The following ARHGAP31 variants were observed in gnomAD, a reference collection of about 807,000 sequenced individuals.
The protein encoded by ARHGAP31 is Rho GTPase activating protein 31, also known as rho GTPase-activating protein 31.
ARHGAP31 carries 34 observed loss-of-function variants against 113.9 expected under a neutral mutation model. That is an observed-to-expected ratio of 0.30 (90% CI 0.23 to 0.40). The LOEUF (loss-of-function observed/expected upper bound fraction) is 0.40. Ranked by LOEUF, ARHGAP31 falls within the 10% of genes least tolerant of loss-of-function variation. The pLI is 1.00. For missense variants in ARHGAP31, 1,548 were observed against 1,767.1 expected, an observed-to-expected ratio of 0.88 and a Z score of 2.22; for synonymous variants, 650 against 684.8, an observed-to-expected ratio of 0.95 and a Z score of 0.79.
intron 8 of ARHGAP31, among the ~76,000 whole-genome samples, chr3:119,397,066 A>C (rs551784131): frequency 6.6e-6 from 1 of 152,352 alleles, no homozygotes; most frequent in South Asian, 2.1e-4. Context: ...AAGGACACAA[A>C]GGCTGCCAGA....
At chr3:119,299,276 T>C (rs534905782) in intron 1 of ARHGAP31, among the ~76,000 whole-genome samples, 6 of 152,344 alleles carry the variant, frequency 3.9e-5, no homozygotes, top group Non-Finnish European at 8.8e-5. Flanking sequence ...ACAGACCATT[T>C]TCCCCTGGAT....
intron 1 of ARHGAP31, among the ~76,000 whole-genome samples, chr3:119,337,413 T>G (rs915879316): frequency 3.9e-5 from 6 of 152,028 alleles, no homozygotes; most frequent in Non-Finnish European, 2.9e-5. Context: ...TGGTGAGTGT[T>G]ACAGCTCATA....
intron 4 of ARHGAP31, among the ~76,000 whole-genome samples, chr3:119,381,993 AAAAAAAAAAAAAAAAGCCTTCAGGCTCT>A (rs2080404706): frequency 6.6e-6 from 1 of 151,012 alleles, no homozygotes; most frequent in Non-Finnish European, 1.5e-5. Context: ...CTCAAAAAAA[AAAAAAAAAAAAAAAAGCCTTCAGGCTCT>A]GAGGTGCTGT....
At chr3:119,342,886 T>C (rs1577003675) in intron 1 of ARHGAP31, among the ~76,000 whole-genome samples, 2 of 151,872 alleles carry the variant, frequency 1.3e-5, no homozygotes, top group South Asian at 4.2e-4. Flanking sequence ...GATGTGGAGG[T>C]TGCAGTGAGC....
At chr3:119,383,279 C>T in intron 6 of ARHGAP31, 53 bp downstream of exon 6, 1 of 1,608,334 alleles carries the variant, frequency 6.2e-7, no homozygotes, top group Non-Finnish European at 8.5e-7. Context: ...TTTCTTGCAA[C>T]TAGTGGTGGG....
At chr3:119,348,831 T>C (rs547420810) in intron 1 of ARHGAP31, among the ~76,000 whole-genome samples, 5 of 152,140 alleles carry the variant, frequency 3.3e-5, no homozygotes, top group African/African-American at 7.2e-5. Flanking sequence ...CCCACAAATA[T>C]GGGTGTCTGA....
intron 1 of ARHGAP31, among the ~76,000 whole-genome samples, chr3:119,307,959 A>AAAAAAAAAAAAAAC (rs2079645524): frequency 6.7e-6 from 1 of 150,356 alleles, no homozygotes; most frequent in Non-Finnish European, 1.5e-5. Flanking sequence ...AAAAAAAAAA[A>AAAAAAAAAAAAAAC]AGCTCAATCT....
At chr3:119,332,924 G>A (rs761586805) in intron 1 of ARHGAP31, among the ~76,000 whole-genome samples, 6 of 152,112 alleles carry the variant, frequency 3.9e-5, no homozygotes, top group Non-Finnish European at 7.3e-5. Flanking sequence ...AAGTATAGCA[G>A]ATGTTATTTA....
chr3:119,333,701 A>C (rs951279823), intron 1 of ARHGAP31, among the ~76,000 whole-genome samples: 1 of 152,158 alleles, frequency 6.6e-6, no homozygotes, highest in Non-Finnish European at 1.5e-5. Flanking sequence ...AAAAATTCAG[A>C]GTCAGGAAGA....
At chr3:119,413,778 T>C in intron 11 of ARHGAP31, 78 bp from the exon 12 acceptor site, 1 of 1,602,852 alleles carries the variant, frequency 6.2e-7, no homozygotes, top group Non-Finnish European at 8.5e-7. Flanking sequence ...TGTCAGTCCC[T>C]TCCCTCTCAC....
chr3:119,301,045 G>A (rs905814412), intron 1 of ARHGAP31, among the ~76,000 whole-genome samples: 4 of 152,154 alleles, frequency 2.6e-5, no homozygotes, highest in African/African-American at 4.8e-5. Context: ...GGCTTTAAAC[G>A]TGGAGCAAAC....
intron 1 of ARHGAP31, chr3:119,341,900 T>C (rs772145571): frequency 6.6e-6 from 1 of 152,094 alleles, no homozygotes; most frequent in African/African-American, 2.4e-5. Context: ...ATCTTCTCTG[T>C]ATGGTTCCAA....
In ARHGAP31 at chr3:119,418,407, C is replaced by T. The variant is rs1039405301; in HGVS notation, c.*2143C>T. On this transcript the variant is annotated 3_prime_UTR_variant, in exon 12 of 12. Coordinates refer to ENST00000264245, the MANE Select transcript of ARHGAP31 (RefSeq NM_020754.4). ...CTGCCTTATCAGAAAATGTGTCAGA[C>T]AGGTTTTATGTCAGCCTCAGTGCTC... 1 of 152,190 alleles carries T rather than the reference C, an allele frequency of 6.6e-6. No homozygotes were observed. Among genetic ancestry groups the T allele is most frequent in the Non-Finnish European group, 1.5e-5 (1 of 68,048 alleles). The allele number at this position is 152,190 out of a possible 1,614,324, so 9.4% of individuals were successfully genotyped here.
At chr3:119,399,672 T>G (rs1368222500) in intron 9 of ARHGAP31, among the ~76,000 whole-genome samples, 1 of 152,274 alleles carries the variant, frequency 6.6e-6, no homozygotes, top group Admixed American at 6.5e-5. Flanking sequence ...CTTGGCTGTT[T>G]CCATATGCTT....
intron 1 of ARHGAP31, among the ~76,000 whole-genome samples, chr3:119,303,210 C>G (rs1344729764): frequency 6.6e-6 from 1 of 152,226 alleles, no homozygotes; most frequent in East Asian, 1.9e-4. Flanking sequence ...TTCATTGACC[C>G]TACTTCCTTC....
chr3:119,301,639 GGAC>G (rs1181377467), intron 1 of ARHGAP31, among the ~76,000 whole-genome samples: 1 of 128,840 alleles, frequency 7.8e-6, no homozygotes, highest in Non-Finnish European at 1.6e-5. Flanking sequence ...CACCTGATGG[GGAC>G]TGTTTTTTTT....
At chr3:119,394,227 G>C (rs955227005) in intron 8 of ARHGAP31, among the ~76,000 whole-genome samples, 3 of 152,170 alleles carry the variant, frequency 2.0e-5, no homozygotes, top group African/African-American at 7.2e-5. Context: ...TGATCCCTTG[G>C]TTAAAGTGCT....
At chr3:119,376,497 C>T (rs2080350095) in intron 3 of ARHGAP31, among the ~76,000 whole-genome samples, 1 of 152,194 alleles carries the variant, frequency 6.6e-6, no homozygotes, top group Non-Finnish European at 1.5e-5. Context: ...CTGGCCTCCA[C>T]ATGTCCCCTA....
chr3:119,378,278 C>T (rs113316404), intron 3 of ARHGAP31, among the ~76,000 whole-genome samples: 4,112 of 152,078 alleles, frequency 0.027, 77 homozygotes, highest in Middle Eastern at 0.058. Flanking sequence ...TAGAGAAGCT[C>T]GAAATAAGTT....
Sources: allele counts gnomAD v4.1 joint callset (sites outside exome capture counted in the v4.1 genomes callset), GRCh38; gene constraint gnomAD v4.1.1; transcripts MANE v1.5; gene names NCBI Gene and HGNC (gene_info 2026-07-23, HGNC 2026-07-21).